The following LRCH1 variants were observed in gnomAD, a reference collection of about 807,000 sequenced individuals.
LRCH1 encodes leucine rich repeats and calponin homology domain containing 1.
LRCH1 carries 23 observed loss-of-function variants against 94.9 expected under a neutral mutation model. The observed-to-expected ratio is 0.24, with a 90% confidence interval of 0.17 to 0.34. LRCH1 has a LOEUF of 0.34. LRCH1 is among the 10% of genes least tolerant of loss of function. LRCH1 has a pLI of 1.00. For synonymous variants in LRCH1, 364 were observed against 354.9 expected, an observed-to-expected ratio of 1.03 and a Z score of -0.29; for missense variants, 790 against 945.9, an observed-to-expected ratio of 0.84 and a Z score of 2.16.
At chr13:46,642,942 T>C (rs750187419) in intron 1 of LRCH1, among the ~76,000 whole-genome samples, 7 of 152,192 alleles carry the variant, frequency 4.6e-5, no homozygotes, top group Non-Finnish European at 1.5e-5. Context: ...GTGATTGCAG[T>C]GTGCCAACAA....
At chr13:46,599,664 T>C (rs571714557) in intron 1 of LRCH1, among the ~76,000 whole-genome samples, 1 of 152,346 alleles carries the variant, frequency 6.6e-6, no homozygotes, top group East Asian at 1.9e-4. Context: ...CATTTATTAG[T>C]AGTAGTTTTA....
chr13:46,615,975 G>A (rs1164883164), intron 1 of LRCH1, among the ~76,000 whole-genome samples: 9 of 152,232 alleles, frequency 5.9e-5, no homozygotes, highest in Middle Eastern at 3.4e-3. Context: ...TTGTGGTTAC[G>A]ATTTGTTAAC....
chr13:46,581,132 G>A (rs1018326784), intron 1 of LRCH1, among the ~76,000 whole-genome samples: 1 of 152,188 alleles, frequency 6.6e-6, no homozygotes, highest in Non-Finnish European at 1.5e-5. Flanking sequence ...GCAGGTTCAT[G>A]TGTCAGCTGC....
intron 1 of LRCH1, among the ~76,000 whole-genome samples, chr13:46,573,798 A>G (rs1460304379): frequency 2.1e-5 from 3 of 145,864 alleles, no homozygotes; most frequent in African/African-American, 7.5e-5. Context: ...GAATGAATGA[A>G]GGAACAAGAT....
intron 1 of LRCH1, among the ~76,000 whole-genome samples, chr13:46,563,085 T>C (rs994467761): frequency 2.0e-5 from 3 of 152,220 alleles, no homozygotes; most frequent in African/African-American, 7.2e-5. Flanking sequence ...AAATGAGTTA[T>C]AGTGAATTCT....
intron 11 of LRCH1, among the ~76,000 whole-genome samples, chr13:46,701,651 T>C (rs1405628903): frequency 6.6e-6 from 1 of 152,244 alleles, no homozygotes; most frequent in Non-Finnish European, 1.5e-5. Flanking sequence ...GAAGAATATA[T>C]TTCTAAAGAT....
Position 46,553,366 on chromosome 13 carries a change from G to C in LRCH1, c.-31G>C. ...AACGCTGTGACCCCCCCGCAGGAGC[G>C]GCGGGGCGGGGTGGGGGGGCCCGGG... is the stretch of plus-strand genomic sequence containing the variant. On this transcript the variant is annotated 5_prime_UTR_variant, in exon 1 of 20. Coordinates refer to ENST00000389797, the MANE Select transcript of LRCH1 (RefSeq NM_001164211.2). 6.7e-7 allele frequency: 1 copy of C among 1,498,404 alleles called. No individual in the cohort carries two copies. Among genetic ancestry groups the C allele is most frequent in the Non-Finnish European group, 8.9e-7 (1 of 1,123,780 alleles). The allele number at this position is 1,498,404 out of a possible 1,614,324, so 92.8% of individuals were successfully genotyped here. A position where few individuals can be genotyped will look rare whatever the true frequency, so the allele number is the denominator to read the frequency against.
chr13:46,657,490 CTTTTCTTTTCTTTTTTTTTTTT>C (rs2051386401), intron 2 of LRCH1, among the ~76,000 whole-genome samples: 1 of 19,254 alleles, frequency 5.2e-5, no homozygotes, highest in Non-Finnish European at 1.1e-4. Context: ...TTTACTTTTT[CTTTTCTTTTCTTTTTTTTTTTT>C]TTTTTTTTTT....
chr13:46,749,070 T>C (rs1874021187), downstream of LRCH1, among the ~76,000 whole-genome samples: 2 of 152,212 alleles, frequency 1.3e-5, no homozygotes, highest in African/African-American at 4.8e-5. Flanking sequence ...ATCTGGTTCC[T>C]CAAGCAAGTG....
chr13:46,694,684 A>ACG (rs1189797002), intron 8 of LRCH1, among the ~76,000 whole-genome samples: 1 of 152,158 alleles, frequency 6.6e-6, no homozygotes, highest in Non-Finnish European at 1.5e-5. Context: ...AGAGGCCTTG[A>ACG]CTTTTTAAGC....
chr13:46,642,027 G>A (rs1334737240), intron 1 of LRCH1, among the ~76,000 whole-genome samples: 1 of 152,218 alleles, frequency 6.6e-6, no homozygotes, highest in East Asian at 1.9e-4. Context: ...ATAGAGCTGT[G>A]GTGGCCCAGC....
intron 7 of LRCH1, among the ~76,000 whole-genome samples, chr13:46,692,275 C>T (rs74078971): frequency 0.044 from 6,753 of 152,288 alleles, 510 homozygotes; most frequent in African/African-American, 0.15. Flanking sequence ...TAACCAGCTT[C>T]CAGTTCAAGA....
intron 2 of LRCH1, among the ~76,000 whole-genome samples, chr13:46,664,750 G>A (rs998765316): frequency 3.3e-5 from 5 of 152,196 alleles, no homozygotes; most frequent in Admixed American, 3.3e-4. Flanking sequence ...TATGGATGTG[G>A]TGTTGGGCTA....
chr13:46,561,767 C>G (rs2050132396), intron 1 of LRCH1, among the ~76,000 whole-genome samples: 2 of 152,134 alleles, frequency 1.3e-5, no homozygotes, highest in Non-Finnish European at 2.9e-5. Context: ...CCTCATGTCC[C>G]TTCTCCTCCC....
At chr13:46,573,866 A>ATATTTT in intron 1 of LRCH1, among the ~76,000 whole-genome samples, 8 of 63,372 alleles carry the variant, frequency 1.3e-4, no homozygotes, top group Non-Finnish European at 2.2e-4. Context: ...ATATATATAT[A>ATATTTT]TTTTTTTTTT....
chr13:46,691,201 T>G (rs1870877733), intron 7 of LRCH1, among the ~76,000 whole-genome samples: 1 of 152,234 alleles, frequency 6.6e-6, no homozygotes, highest in Admixed American at 6.5e-5. Flanking sequence ...AGCTATTTCC[T>G]AAGTAGCAAC....
intron 9 of LRCH1, among the ~76,000 whole-genome samples, chr13:46,698,219 G>A (rs972892699): frequency 2.6e-5 from 4 of 152,234 alleles, no homozygotes; most frequent in Non-Finnish European, 4.4e-5. Flanking sequence ...CTGGTCCCCA[G>A]TTAGCTAATG....
intron 1 of LRCH1, among the ~76,000 whole-genome samples, chr13:46,579,476 A>T (rs1429887674): frequency 4.4e-5 from 4 of 91,416 alleles, no homozygotes; most frequent in Non-Finnish European, 9.1e-5. Context: ...TTTTTTTTTT[A>T]ACCATATATG....
At chr13:46,691,750 C>T (rs1351978835) in intron 7 of LRCH1, among the ~76,000 whole-genome samples, 4 of 152,064 alleles carry the variant, frequency 2.6e-5, no homozygotes, top group African/African-American at 7.2e-5. Flanking sequence ...AGTGCAGTGG[C>T]GCGATCTTGG....
Sources: allele counts gnomAD v4.1 joint callset (sites outside exome capture counted in the v4.1 genomes callset), GRCh38; gene constraint gnomAD v4.1.1; transcripts MANE v1.5; gene names NCBI Gene and HGNC (gene_info 2026-07-23, HGNC 2026-07-21).